Variants in PTPRD observed in about 807,000 individuals in gnomAD.
PTPRD encodes protein tyrosine phosphatase receptor type D, also known as receptor-type tyrosine-protein phosphatase delta.
PTPRD carries 34 observed loss-of-function variants against 214.5 expected under a neutral mutation model. The ratio of observed to expected loss-of-function variants is 0.16; its 90% CI spans 0.12 to 0.21. PTPRD has a LOEUF of 0.21. Ranked by LOEUF, PTPRD falls within the 10% of genes least tolerant of loss-of-function variation. PTPRD has a pLI of 1.00. For synonymous variants in PTPRD, 1,128 were observed against 845.7 expected (o/e 1.33, Z -5.79); for missense variants, 2,545 against 2,398.7 (o/e 1.06, Z -1.27).
At chr9:9,436,824 C>T (rs2085443479) in intron 8 of PTPRD, among the ~76,000 whole-genome samples, 1 of 152,040 alleles carries the variant, frequency 6.6e-6, no homozygotes, top group South Asian at 2.1e-4. Context: ...CACACTGGTT[C>T]CTGGAGACTT....
intron 12 of PTPRD, among the ~76,000 whole-genome samples, chr9:8,682,491 T>C (rs1450644224): frequency 1.3e-5 from 2 of 150,316 alleles, no homozygotes; most frequent in Non-Finnish European, 3.0e-5. Flanking sequence ...AAAACCCCTG[T>C]GGTACACAAC....
chr9:9,405,037 C>CT (rs1407866243), intron 8 of PTPRD, among the ~76,000 whole-genome samples: 3 of 152,108 alleles, frequency 2.0e-5, no homozygotes, highest in South Asian at 2.1e-4. Context: ...CGGTGGCACC[C>CT]TAATGATTTG....
At chr9:8,562,787 G>A (rs2086932547) in intron 14 of PTPRD, among the ~76,000 whole-genome samples, 1 of 151,570 alleles carries the variant, frequency 6.6e-6, no homozygotes, top group Non-Finnish European at 1.5e-5. Flanking sequence ...TTATCATTAA[G>A]ATTCATGTTT....
Position 9,983,623 on chromosome 9 carries a change from T to C in PTPRD, c.-471-45013A>G, listed in dbSNP as rs79710777. ...ACCAAAACGTACACTCACATACAAA[T>C]ACAAATTGAATATCATGAAATGACA... On this transcript the variant is annotated intron_variant, in intron 4 of 45. Coordinates refer to ENST00000381196, the MANE Select transcript of PTPRD (RefSeq NM_002839.4). Among the ~76,000 whole-genome samples the C allele has an allele frequency of 3.0e-3, 462 of 152,272 alleles. 3 individuals carry two copies. The highest frequency in any genetic ancestry group is 0.011 in the African/African-American group (444 of 41,560).
intron 11 of PTPRD, among the ~76,000 whole-genome samples, chr9:8,996,217 A>C (rs1483733055): frequency 1.3e-5 from 2 of 152,028 alleles, no homozygotes; most frequent in African/African-American, 4.8e-5. Context: ...AACAATCCAA[A>C]ATTCCTTCAA....
chr9:9,672,869 G>A (rs1490765547), intron 7 of PTPRD, among the ~76,000 whole-genome samples: 1 of 152,088 alleles, frequency 6.6e-6, no homozygotes, highest in African/African-American at 2.4e-5. Flanking sequence ...TGCTAAAGAA[G>A]TATATGTAGA....
At chr9:8,653,097 A>G (rs1380735768) in intron 12 of PTPRD, among the ~76,000 whole-genome samples, 3 of 152,318 alleles carry the variant, frequency 2.0e-5, no homozygotes, top group African/African-American at 7.2e-5. Context: ...TAACCTAGAC[A>G]GAGTAAAAGC....
chr9:8,895,737 G>A (rs960036437), intron 11 of PTPRD, among the ~76,000 whole-genome samples: 1 of 152,194 alleles, frequency 6.6e-6, no homozygotes, highest in African/African-American at 2.4e-5. Context: ...CTGCTGAAAT[G>A]TGAGACACTC....
At chr9:9,818,407 A>C (rs2049486226) in intron 5 of PTPRD, among the ~76,000 whole-genome samples, 1 of 152,162 alleles carries the variant, frequency 6.6e-6, no homozygotes, top group Non-Finnish European at 1.5e-5. Flanking sequence ...AAGTAAGGGA[A>C]TACAACTCCT....
chr9:8,749,028 A>AT (rs1565770750), intron 11 of PTPRD, among the ~76,000 whole-genome samples: 1 of 152,236 alleles, frequency 6.6e-6, no homozygotes, highest in Non-Finnish European at 1.5e-5. Context: ...TATATTATAT[A>AT]CATTTACTAT....
intron 11 of PTPRD, among the ~76,000 whole-genome samples, chr9:8,923,695 T>C (rs1449338490): frequency 1.3e-5 from 2 of 152,178 alleles, no homozygotes; most frequent in East Asian, 3.8e-4. Flanking sequence ...TAACAAAACT[T>C]AGGTAAACTC....
chr9:8,394,117 A>G (rs1243527184), intron 36 of PTPRD, among the ~76,000 whole-genome samples: 1 of 152,092 alleles, frequency 6.6e-6, no homozygotes. Flanking sequence ...TTCAGTGGAA[A>G]AATGAGCCTG....
intron 11 of PTPRD, among the ~76,000 whole-genome samples, chr9:9,004,071 T>C (rs1028440127): frequency 6.6e-6 from 1 of 152,068 alleles, no homozygotes; most frequent in African/African-American, 2.4e-5. Flanking sequence ...TAAATCTTTT[T>C]GTGTTCTCAC....
At chr9:9,783,899 G>T (rs559939252) in intron 5 of PTPRD, among the ~76,000 whole-genome samples, 1 of 148,274 alleles carries the variant, frequency 6.7e-6, no homozygotes, top group Non-Finnish European at 1.5e-5. Context: ...CAGTGCATAC[G>T]CAAGTGATAC....
chr9:9,011,185 G>A (rs549524154), intron 11 of PTPRD, among the ~76,000 whole-genome samples: 2 of 152,190 alleles, frequency 1.3e-5, no homozygotes, highest in South Asian at 4.1e-4. Flanking sequence ...AAAGTGGGGG[G>A]AGTCTTTTCA....
Position 9,397,429 on chromosome 9 carries a change from G to A in PTPRD, c.-203+20C>T, listed in dbSNP as rs1489037169. On this transcript the variant is annotated intron_variant, in intron 9 of 45. Coordinates refer to ENST00000381196, the MANE Select transcript of PTPRD (RefSeq NM_002839.4). The stretch of plus-strand genomic sequence containing the variant: ...AGAAAAGTATTCCGTGCAGACATAA[G>A]ATGAGCAAAATAAACTTACCACAGT... 4 of 152,292 alleles carry A rather than the reference G, an allele frequency of 2.6e-5. No individual in the cohort carries two copies. The highest frequency in any genetic ancestry group is 7.2e-5 in the African/African-American group (3 of 41,384). The allele number at this position is 152,292 out of a possible 1,614,324, so 9.4% of individuals were successfully genotyped here.
chr9:9,814,687 A>G (rs1029157920), intron 5 of PTPRD, among the ~76,000 whole-genome samples: 2 of 152,068 alleles, frequency 1.3e-5, no homozygotes, highest in African/African-American at 4.8e-5. Context: ...CAAACAATCT[A>G]CAGGTTCCAC....
At chr9:8,807,648 G>C (rs184420822) in intron 11 of PTPRD, among the ~76,000 whole-genome samples, 2 of 149,798 alleles carry the variant, frequency 1.3e-5, no homozygotes, top group Admixed American at 1.3e-4. Flanking sequence ...GATTTGGTTA[G>C]AGCTCACCTC....
chr9:8,875,848 C>A (rs761985730), intron 11 of PTPRD, among the ~76,000 whole-genome samples: 3 of 152,098 alleles, frequency 2.0e-5, no homozygotes, highest in Non-Finnish European at 4.4e-5. Flanking sequence ...CTTCTCTGAG[C>A]CCTGCTTTCC....
Sources: allele counts gnomAD v4.1 joint callset (sites outside exome capture counted in the v4.1 genomes callset), GRCh38; gene constraint gnomAD v4.1.1; transcripts MANE v1.5; gene names NCBI Gene and HGNC (gene_info 2026-07-23, HGNC 2026-07-21).